The following CDK14 variants were observed in gnomAD, a reference collection of about 807,000 sequenced individuals.
CDK14 encodes the protein cyclin dependent kinase 14, also known as cyclin-dependent kinase 14.
A neutral mutation model predicts 60.7 loss-of-function variants in CDK14; 34 were observed. The observed-to-expected ratio is 0.56, with a 90% CI of 0.43 to 0.75. CDK14 has a LOEUF of 0.75. Ranked by LOEUF, CDK14 falls within the 30% of genes least tolerant of loss-of-function variation. The pLI is 0.00. For synonymous variants in CDK14, 197 were observed against 203.7 expected, an observed-to-expected ratio of 0.97 and a Z score of 0.28; for missense variants, 482 against 564.1, an observed-to-expected ratio of 0.85 and a Z score of 1.47.
At chr7:90,699,186 A>G (rs1801729808) in intron 2 of CDK14, among the ~76,000 whole-genome samples, 1 of 152,206 alleles carries the variant, frequency 6.6e-6, no homozygotes, top group Admixed American at 6.5e-5. Flanking sequence ...GACTGAGAAA[A>G]TGAGTCTGAC....
At chr7:90,611,001 T>C (rs1234407282) in intron 2 of CDK14, among the ~76,000 whole-genome samples, 2 of 152,184 alleles carry the variant, frequency 1.3e-5, no homozygotes, top group Non-Finnish European at 2.9e-5. Flanking sequence ...CCTCATTTGC[T>C]CCAGTCTTAC....
At chr7:90,957,953 G>A (rs1316499342) in intron 9 of CDK14, among the ~76,000 whole-genome samples, 2 of 152,090 alleles carry the variant, frequency 1.3e-5, no homozygotes, top group Non-Finnish European at 2.9e-5. Context: ...TTTTATAATA[G>A]GAGTCATTTT....
intron 5 of CDK14, among the ~76,000 whole-genome samples, chr7:90,817,819 G>C (rs1426301632): frequency 6.6e-6 from 1 of 152,164 alleles, no homozygotes; most frequent in Non-Finnish European, 1.5e-5. Flanking sequence ...GGACTTCCAA[G>C]GTTGATTTGG....
At chr7:90,766,590 A>G (rs1213140274) in intron 4 of CDK14, among the ~76,000 whole-genome samples, 1 of 152,180 alleles carries the variant, frequency 6.6e-6, no homozygotes, top group Non-Finnish European at 1.5e-5. Flanking sequence ...CTGAGTTCTT[A>G]ACTTTTACCA....
At chr7:90,975,324 T>A (rs1275985649) in intron 9 of CDK14, among the ~76,000 whole-genome samples, 1 of 151,948 alleles carries the variant, frequency 6.6e-6, no homozygotes, top group African/African-American at 2.4e-5. Context: ...CTTCAAATAC[T>A]TTCATATTAA....
rs58353319 is a variant in CDK14, at chr7:91,154,213, T to C, written c.*28+36005T>C. 1.4e-4 allele frequency among the ~76,000 whole-genome samples: 22 copies of C among 152,124 alleles called. 1 individual carries two copies. The East Asian group carries it at 4.1e-3, about 28-fold the overall frequency. On this transcript the variant is annotated intron_variant, in intron 14 of 14. Transcript: ENST00000380050. ...TTGGGGTTATACTTTACTTAACTTT[T>C]ATAATCTCCTTTTTTTTCTGCTTAG...
intron 2 of CDK14, among the ~76,000 whole-genome samples, chr7:90,718,486 A>T (rs1429758059): frequency 6.6e-6 from 1 of 152,138 alleles, no homozygotes; most frequent in African/African-American, 2.4e-5. Context: ...CATTTTACAG[A>T]TGAGAAGACT....
intron 10 of CDK14, among the ~76,000 whole-genome samples, chr7:90,988,546 A>C (rs970881717): frequency 6.6e-6 from 1 of 152,206 alleles, no homozygotes; most frequent in African/African-American, 2.4e-5. Context: ...CATCCAGGTG[A>C]ATATATATTC....
intron 6 of CDK14, among the ~76,000 whole-genome samples, chr7:90,878,100 GAGAGAGAGAGAC>G: frequency 6.6e-6 from 1 of 151,706 alleles, no homozygotes; most frequent in Non-Finnish European, 1.5e-5. Context: ...GTGTGAGAGA[GAGAGAGAGAGAC>G]AGAGAGAGAG....
intron 6 of CDK14, among the ~76,000 whole-genome samples, chr7:90,886,207 A>G (rs1454479120): frequency 2.0e-5 from 3 of 152,134 alleles, no homozygotes; most frequent in Non-Finnish European, 4.4e-5. Flanking sequence ...CTTTTTTGTC[A>G]TAATGTCAAG....
intron 8 of CDK14, among the ~76,000 whole-genome samples, chr7:90,945,609 T>G (rs1003622823): frequency 1.8e-4 from 28 of 152,218 alleles, no homozygotes; most frequent in African/African-American, 6.3e-4. Flanking sequence ...ACAAATATAC[T>G]GAGCTCACTT....
At chr7:90,751,944 TAATGA>T (rs1049786958) in intron 4 of CDK14, among the ~76,000 whole-genome samples, 48 of 152,346 alleles carry the variant, frequency 3.2e-4, no homozygotes, top group African/African-American at 1.1e-3. Context: ...GGGCGTTACA[TAATGA>T]TAAAGTGTTC....
intron 2 of CDK14, among the ~76,000 whole-genome samples, chr7:90,682,812 G>A (rs1801348274): frequency 6.6e-6 from 1 of 152,042 alleles, no homozygotes; most frequent in African/African-American, 2.4e-5. Context: ...TTAAAATATA[G>A]GTCTTTTTAA....
At chr7:90,804,292 A>G (rs1416125790) in intron 5 of CDK14, among the ~76,000 whole-genome samples, 1 of 152,202 alleles carries the variant, frequency 6.6e-6, no homozygotes, top group African/African-American at 2.4e-5. Context: ...TTTATAATTA[A>G]AATAATATTA....
At chr7:90,677,820 A>G (rs1383335807) in intron 2 of CDK14, among the ~76,000 whole-genome samples, 1 of 152,130 alleles carries the variant, frequency 6.6e-6, no homozygotes, top group Non-Finnish European at 1.5e-5. Flanking sequence ...GGAAAGGGGA[A>G]ATGGGAGCAA....
chr7:90,878,923 A>G (rs1405335313), intron 6 of CDK14, among the ~76,000 whole-genome samples: 4 of 152,254 alleles, frequency 2.6e-5, no homozygotes. Flanking sequence ...TTCAGTAAGT[A>G]TTGACAGTGA....
chr7:91,189,094 C>G (rs1256739775), intron 14 of CDK14, among the ~76,000 whole-genome samples: 1 of 152,016 alleles, frequency 6.6e-6, no homozygotes, highest in Non-Finnish European at 1.5e-5. Flanking sequence ...AATATCATTA[C>G]AAAAAAATCA....
intron 7 of CDK14, among the ~76,000 whole-genome samples, chr7:90,908,633 G>A (rs1792791027): frequency 6.6e-6 from 1 of 152,102 alleles, no homozygotes; most frequent in Non-Finnish European, 1.5e-5. Context: ...ACAGACATGA[G>A]ACCCCAGAGG....
intron 5 of CDK14, among the ~76,000 whole-genome samples, chr7:90,857,718 A>G (rs1377321964): frequency 1.3e-5 from 2 of 152,168 alleles, no homozygotes; most frequent in Non-Finnish European, 2.9e-5. Flanking sequence ...GATGAGGGAG[A>G]CACACTGGCT....
Sources: allele counts gnomAD v4.1 joint callset (sites outside exome capture counted in the v4.1 genomes callset), GRCh38; gene constraint gnomAD v4.1.1; transcripts MANE v1.5; gene names NCBI Gene and HGNC (gene_info 2026-07-23, HGNC 2026-07-21).